WDFY4: variants seen among roughly 807,000 people sequenced by gnomAD.
WDFY4 encodes WDFY family member 4.
Under a neutral mutation model 351.9 loss-of-function variants are expected in WDFY4, and 169 were observed. The observed-to-expected ratio is 0.48, with a 90% CI of 0.42 to 0.55. The LOEUF (loss-of-function observed/expected upper bound fraction) is 0.55, where lower values mean the gene tolerates loss of function less well. Ranked by LOEUF, WDFY4 falls within the 20% of genes least tolerant of loss-of-function variation. The pLI is 0.00. For synonymous variants in WDFY4, 1,622 were observed against 1,574.6 expected, an observed-to-expected ratio of 1.03 and a Z score of -0.71; for missense variants, 3,803 against 3,935.6, an observed-to-expected ratio of 0.97 and a Z score of 0.90.
At chr10:48,777,626 C>A in intron 17 of WDFY4, 131 bp downstream of exon 17, 2 of 870,738 alleles carry the variant, frequency 2.3e-6, no homozygotes, top group Non-Finnish European at 1.8e-6. Context: ...TGGCTCACAC[C>A]TGTAATACTG....
chr10:48,725,199 A>C (rs1008312595), intron 5 of WDFY4, among the ~76,000 whole-genome samples: 1 of 152,210 alleles, frequency 6.6e-6, no homozygotes, highest in Non-Finnish European at 1.5e-5. Flanking sequence ...ATCAGACTAG[A>C]AGGGGAAAAT....
chr10:48,891,029 CT>C (rs1419212066), intron 44 of WDFY4, among the ~76,000 whole-genome samples: 14 of 152,220 alleles, frequency 9.2e-5, no homozygotes, highest in Non-Finnish European at 1.9e-4. Flanking sequence ...TCGCCGTCAA[CT>C]TACTCACTCA....
chr10:48,807,062 A>G (rs183597802), intron 27 of WDFY4, among the ~76,000 whole-genome samples: 1 of 152,342 alleles, frequency 6.6e-6, no homozygotes, highest in East Asian at 1.9e-4. Context: ...TTTAGGTTCA[A>G]TGAGATTAGG....
chr10:48,708,040 C>T (rs1358053252), intron 1 of WDFY4, among the ~76,000 whole-genome samples: 1 of 152,118 alleles, frequency 6.6e-6, no homozygotes, highest in African/African-American at 2.4e-5. Flanking sequence ...CGTGTTCTTA[C>T]TAAACTATAT....
chr10:48,772,871 T>C (rs996732376), intron 13 of WDFY4, among the ~76,000 whole-genome samples: 3 of 151,246 alleles, frequency 2.0e-5, no homozygotes, highest in Admixed American at 6.6e-5. Context: ...ACAAAGGACA[T>C]GAACTCATCA....
chr10:48,832,239 C>T (rs2068214369), intron 38 of WDFY4, among the ~76,000 whole-genome samples: 1 of 152,222 alleles, frequency 6.6e-6, no homozygotes, highest in South Asian at 2.1e-4. Flanking sequence ...TTCATGACCC[C>T]TCAACTGGTT....
At chr10:48,966,393 C>A in intron 54 of WDFY4, 133 bp from the exon 55 acceptor site, 2 of 970,632 alleles carry the variant, frequency 2.1e-6, no homozygotes, top group South Asian at 2.0e-5. Context: ...AGGTTCTGTT[C>A]ATGTTCAGCT....
intron 24 of WDFY4, chr10:48,801,581 T>G: frequency 1.8e-5 from 8 of 448,866 alleles, no homozygotes; most frequent in South Asian, 3.2e-5. Context: ...CTGTCCCAAA[T>G]GGCAGCTGGC....
chr10:48,769,441 T>C (rs1042004479), intron 13 of WDFY4, among the ~76,000 whole-genome samples: 1 of 152,204 alleles, frequency 6.6e-6, no homozygotes, highest in Non-Finnish European at 1.5e-5. Context: ...AGTCTTTTGA[T>C]AAAGAGCTTA....
At chr10:48,873,738 G>A (rs767674370) in intron 41 of WDFY4, 41 bp downstream of exon 41, 16 of 1,541,396 alleles carry the variant, frequency 1.0e-5, no homozygotes, top group South Asian at 2.4e-5. Flanking sequence ...GTTCCAGGTA[G>A]GGCCTGATAG....
At chr10:48,813,900 C>T in intron 30 of WDFY4, 57 bp from the exon 31 acceptor site, 2 of 1,432,678 alleles carry the variant, frequency 1.4e-6, no homozygotes, top group Non-Finnish European at 1.8e-6. Flanking sequence ...GGCTGCAAAG[C>T]TCGTTCTCTT....
At chr10:48,945,970 C>A in intron 49 of WDFY4, 70 bp from the exon 50 acceptor site, 1 of 1,056,382 alleles carries the variant, frequency 9.5e-7, no homozygotes, top group Non-Finnish European at 1.3e-6. Flanking sequence ...AACCATAAAA[C>A]TCAAGAGCGT....
intron 53 of WDFY4, among the ~76,000 whole-genome samples, chr10:48,961,401 T>C (rs114824117): frequency 0.01 from 1,588 of 152,272 alleles, 26 homozygotes; most frequent in African/African-American, 0.036. Flanking sequence ...GGTGCTGATA[T>C]AATGCAAAGA....
chr10:48,802,205 C>T (rs2067109647), intron 24 of WDFY4, among the ~76,000 whole-genome samples: 1 of 151,996 alleles, frequency 6.6e-6, no homozygotes, highest in African/African-American at 2.4e-5. Flanking sequence ...CAATACCCCA[C>T]TCTACAAAAA....
intron 1 of WDFY4, among the ~76,000 whole-genome samples, chr10:48,704,385 G>A (rs2063565557): frequency 6.6e-6 from 1 of 152,164 alleles, no homozygotes; most frequent in South Asian, 2.1e-4. Flanking sequence ...GATGTGGAGG[G>A]CCAGAATGCC....
intron 2 of WDFY4, among the ~76,000 whole-genome samples, chr10:48,718,938 A>T (rs981031713): frequency 2.0e-5 from 3 of 152,186 alleles, no homozygotes; most frequent in Admixed American, 6.5e-5. Context: ...CTGCAGAAAA[A>T]GGTGATCAGG....
intron 12 of WDFY4, among the ~76,000 whole-genome samples, chr10:48,751,020 C>T (rs2065165389): frequency 6.6e-6 from 1 of 152,180 alleles, no homozygotes; most frequent in Non-Finnish European, 1.5e-5. Context: ...GCCTGGTGTC[C>T]TGAAGACACC....
intron 39 of WDFY4, among the ~76,000 whole-genome samples, chr10:48,866,121 C>T (rs1347909130): frequency 6.6e-6 from 1 of 152,014 alleles, no homozygotes; most frequent in Non-Finnish European, 1.5e-5. Context: ...CTTCCTTCTA[C>T]TTGCTTTAGA....
chr10:48,973,705 G>C (rs1238406136), intron 57 of WDFY4, among the ~76,000 whole-genome samples: 1 of 152,210 alleles, frequency 6.6e-6, no homozygotes, highest in African/African-American at 2.4e-5. Context: ...CCACACCATT[G>C]CCTGCAGCAG....
Sources: gnomAD v4.1 joint callset for allele counts (sites outside exome capture counted in the v4.1 genomes callset) on GRCh38, gnomAD v4.1.1 for gene constraint, MANE v1.5 for transcripts, NCBI Gene and HGNC (gene_info 2026-07-23, HGNC 2026-07-21) for gene names.